The following NCALD variants were observed in gnomAD, a reference collection of about 807,000 sequenced individuals.
The protein encoded by NCALD is neurocalcin delta, also known as neurocalcin-delta.
A neutral mutation model predicts 18.6 loss-of-function variants in NCALD; 10 were observed. That is an observed-to-expected ratio of 0.54 (90% CI 0.33 to 0.91). NCALD has a LOEUF of 0.91. Among genes scored for constraint, NCALD ranks in the 40% least tolerant of loss-of-function variants. The probability of loss-of-function intolerance (pLI) is 0.03; values close to 1 mark genes in which losing one functional copy is unlikely to be tolerated. For missense variants in NCALD, 184 were observed against 247.6 expected (o/e 0.74, Z 1.72); for synonymous variants, 88 against 87.4 (o/e 1.01, Z -0.04).
At chr8:101,904,224 A>G (rs1817534424) in intron 3 of NCALD, among the ~76,000 whole-genome samples, 1 of 152,100 alleles carries the variant, frequency 6.6e-6, no homozygotes, top group African/African-American at 2.4e-5. Flanking sequence ...AATTATAAGC[A>G]CCTTTGAGTT....
chr8:101,828,606 T>C (rs1042678331), intron 4 of NCALD, among the ~76,000 whole-genome samples: 5 of 150,892 alleles, frequency 3.3e-5, no homozygotes, highest in African/African-American at 1.2e-4. Context: ...CTTATATAAC[T>C]CATTTTTTTT....
chr8:101,923,020 A>C (rs1818218871), intron 2 of NCALD, among the ~76,000 whole-genome samples: 1 of 152,136 alleles, frequency 6.6e-6, no homozygotes, highest in Non-Finnish European at 1.5e-5. Flanking sequence ...GTGGGGCTTT[A>C]AGGGGTTGAT....
At chr8:102,004,335 C>A (rs1033543691) in intron 2 of NCALD, among the ~76,000 whole-genome samples, 1 of 152,072 alleles carries the variant, frequency 6.6e-6, no homozygotes, top group Non-Finnish European at 1.5e-5. Flanking sequence ...ATGTGAAGGA[C>A]CTCTTCAAGG....
intron 4 of NCALD, among the ~76,000 whole-genome samples, chr8:101,871,182 T>C (rs1172196554): frequency 6.6e-6 from 1 of 152,148 alleles, no homozygotes; most frequent in African/African-American, 2.4e-5. Context: ...TTCTTGTCTT[T>C]TGGCTGAATC....
chr8:101,924,667 A>T (rs1818277594), intron 2 of NCALD, among the ~76,000 whole-genome samples: 1 of 152,214 alleles, frequency 6.6e-6, no homozygotes, highest in Admixed American at 6.5e-5. Flanking sequence ...GAGCTGTGTC[A>T]ATGGCCGTCA....
At chr8:102,088,269 G>T (rs1824805895) in intron 1 of NCALD, among the ~76,000 whole-genome samples, 1 of 152,156 alleles carries the variant, frequency 6.6e-6, no homozygotes, top group Non-Finnish European at 1.5e-5. Flanking sequence ...AGTTATTCCT[G>T]ATTTAATATC....
intron 4 of NCALD, among the ~76,000 whole-genome samples, chr8:101,809,006 T>C (rs1398981317): frequency 1.3e-5 from 2 of 152,054 alleles, no homozygotes; most frequent in Non-Finnish European, 2.9e-5. Context: ...ATGTCCACCA[T>C]CAAAAACATC....
At chr8:101,772,349 GA>G (rs1316769158) in intron 1 of NCALD, among the ~76,000 whole-genome samples, 1 of 152,142 alleles carries the variant, frequency 6.6e-6, no homozygotes, top group African/African-American at 2.4e-5. Flanking sequence ...GGGAAATGCC[GA>G]CAGGCCCACA....
At chr8:101,783,902 C>T (rs1171342671) in intron 1 of NCALD, among the ~76,000 whole-genome samples, 1 of 152,056 alleles carries the variant, frequency 6.6e-6, no homozygotes, top group Non-Finnish European at 1.5e-5. Context: ...TAGGTTAGGC[C>T]AAATCACAAA....
chr8:101,800,837 A>AGGTGG (rs901628227), intron 4 of NCALD, among the ~76,000 whole-genome samples: 2 of 104,752 alleles, frequency 1.9e-5, no homozygotes, highest in Admixed American at 1.0e-4. Flanking sequence ...AGGAGAGGAG[A>AGGTGG]GGTGGGGAGG....
At chr8:102,094,166 G>T (rs1825016461) in intron 1 of NCALD, among the ~76,000 whole-genome samples, 1 of 152,144 alleles carries the variant, frequency 6.6e-6, no homozygotes, top group Non-Finnish European at 1.5e-5. Context: ...GTTCAGACTG[G>T]CTAATAACCT....
chr8:101,993,271 A>G (rs1265133301), intron 2 of NCALD, among the ~76,000 whole-genome samples: 1 of 151,990 alleles, frequency 6.6e-6, no homozygotes, highest in Non-Finnish European at 1.5e-5. Context: ...CCGTACCCCA[A>G]ATTACAAATA....
intron 1 of NCALD, among the ~76,000 whole-genome samples, chr8:102,116,382 G>A (rs1587116960): frequency 2.0e-5 from 3 of 152,316 alleles, no homozygotes; most frequent in East Asian, 1.9e-4. Context: ...CATAGTTGCC[G>A]TGTATCCTAA....
At chr8:101,890,948 G>T (rs539504861) in intron 3 of NCALD, among the ~76,000 whole-genome samples, 1 of 152,156 alleles carries the variant, frequency 6.6e-6, no homozygotes, top group Non-Finnish European at 1.5e-5. Flanking sequence ...TCATTAAATG[G>T]AATATTAGAT....
At chr8:101,844,251 G>A (rs1039173028) in intron 4 of NCALD, among the ~76,000 whole-genome samples, 2 of 152,158 alleles carry the variant, frequency 1.3e-5, no homozygotes, top group Non-Finnish European at 2.9e-5. Flanking sequence ...CTTGAGTTCC[G>A]ATGATATATG....
chr8:102,096,512 C>G (rs753999027), intron 1 of NCALD, among the ~76,000 whole-genome samples: 2 of 152,222 alleles, frequency 1.3e-5, no homozygotes, highest in Non-Finnish European at 2.9e-5. Flanking sequence ...ACTCCCTTTG[C>G]AAACCCCCAC....
chr8:101,892,283 C>G (rs1816935357), intron 3 of NCALD, among the ~76,000 whole-genome samples: 1 of 146,274 alleles, frequency 6.8e-6, no homozygotes, highest in Admixed American at 6.7e-5. Flanking sequence ...GGTATTCCAA[C>G]AGACCTGCAG....
chr8:101,921,653 C>G (rs1818169191), intron 2 of NCALD, among the ~76,000 whole-genome samples: 1 of 152,150 alleles, frequency 6.6e-6, no homozygotes, highest in Non-Finnish European at 1.5e-5. Flanking sequence ...GTGGTAAGGA[C>G]TTCATGCAAG....
intron 2 of NCALD, among the ~76,000 whole-genome samples, chr8:101,702,801 C>T (rs1164670304): frequency 1.3e-5 from 2 of 152,194 alleles, no homozygotes; most frequent in South Asian, 2.1e-4. Context: ...ATTGACGATG[C>T]TATAAAGGTG....
Sources: allele counts gnomAD v4.1 joint callset (sites outside exome capture counted in the v4.1 genomes callset), GRCh38; gene constraint gnomAD v4.1.1; transcripts MANE v1.5; gene names NCBI Gene and HGNC (gene_info 2026-07-23, HGNC 2026-07-21).